SP100: variants seen among roughly 807,000 people sequenced by gnomAD.
SP100 encodes the protein SP100 nuclear body protein.
Under a neutral mutation model 130.0 loss-of-function variants are expected in SP100, and 84 were observed. The ratio of observed to expected loss-of-function variants is 0.65; its 90% CI spans 0.54 to 0.77. SP100 has a LOEUF of 0.77. Among genes scored for constraint, SP100 ranks in the 30% least tolerant of loss-of-function variants. SP100 has a pLI of 0.00. For synonymous variants in SP100, 331 were observed against 351.7 expected (o/e 0.94, Z 0.66); for missense variants, 978 against 1,052.2 (o/e 0.93, Z 0.97).
chr2:230,518,110 T>TTACCA (rs3029289), intron 24 of SP100, among the ~76,000 whole-genome samples: 67,420 of 151,364 alleles, frequency 0.45, 15,324 homozygotes, highest in South Asian at 0.56. Flanking sequence ...AACAAAAAAC[T>TTACCA]TACAAGACTT....
intron 13 of SP100, 109 bp downstream of exon 13, chr2:230,467,324 C>T (rs2065013065): frequency 2.6e-6 from 2 of 754,960 alleles, no homozygotes; most frequent in African/African-American, 1.7e-5. Flanking sequence ...TTCTCTGCAT[C>T]TACCTCATCT....
chr2:230,539,342 T>G lies in SP100; in HGVS notation c.2170T>G (p.Phe724Val). 2 of 1,613,944 alleles carry G rather than the reference T, an allele frequency of 1.2e-6. No individual in the cohort carries two copies. Among genetic ancestry groups the G allele is most frequent in the Non-Finnish European group, 1.7e-6 (2 of 1,179,844 alleles). The change falls in exon 25 of 29, where the codon TTT (phenylalanine) becomes GTT (valine). Residue 724 changes from phenylalanine to valine, a missense_variant. Phe to Val is a conservative substitution (Grantham distance 50). Coordinates refer to ENST00000340126, the MANE Select transcript of SP100 (RefSeq NM_001080391.2). The stretch of plus-strand genomic sequence containing the variant: ...CTGCTGCGACACTTGTCCAAGATCC[T>G]TTCATGAGCACTGCCACATCCCATC... ...LFCCDTCPRS[F>V]HEHCHIPSVE...
rs2067187501 is a variant in SP100 at position 230,504,075 on chromosome 2, A to T, written c.1766-111A>T. ...TGAAATGTAACTGATTCATGGGGGA[A>T]ATACCTCCAATACATTTTGAATTAT... On this transcript the variant is annotated intron_variant, in intron 20 of 28. Transcript: ENST00000340126. 5 of 600,704 alleles carry T rather than the reference A, an allele frequency of 8.3e-6. No homozygotes were observed. In the South Asian group the frequency reaches 9.4e-5, roughly 11 times the overall value. 37.2% of individuals were successfully genotyped at this position (600,704 alleles called of 1,614,324 possible).
intron 2 of SP100, among the ~76,000 whole-genome samples, chr2:230,440,821 A>G (rs1159356675): frequency 6.6e-6 from 1 of 152,176 alleles, no homozygotes; most frequent in African/African-American, 2.4e-5. Context: ...AAGGGTAGAC[A>G]AATAGATCAA....
At chr2:230,533,832 T>C (rs1559538434) in intron 24 of SP100, among the ~76,000 whole-genome samples, 1 of 152,162 alleles carries the variant, frequency 6.6e-6, no homozygotes, top group Admixed American at 6.6e-5. Context: ...TAATAGAAGA[T>C]TGTAAAAGGT....
intron 2 of SP100, among the ~76,000 whole-genome samples, chr2:230,437,824 G>T (rs1244740142): frequency 6.6e-6 from 1 of 152,074 alleles, no homozygotes; most frequent in East Asian, 1.9e-4. Flanking sequence ...CTAAAGCTCT[G>T]GGATTACAGG....
At chr2:230,539,938 A>G (rs1692102120) in intron 25 of SP100, among the ~76,000 whole-genome samples, 1 of 152,134 alleles carries the variant, frequency 6.6e-6, no homozygotes, top group African/African-American at 2.4e-5. Context: ...TGTGGACAGA[A>G]TTGTTAAGGC....
intron 15 of SP100, chr2:230,470,503 TA>T: frequency 1.2e-5 from 10 of 839,030 alleles, no homozygotes; most frequent in Non-Finnish European, 1.4e-5. Flanking sequence ...TAGACAGAAA[TA>T]AAAACTTCAG....
At chr2:230,473,085 GTTC>G in intron 15 of SP100, 1 of 373,004 alleles carries the variant, frequency 2.7e-6, no homozygotes, top group South Asian at 3.9e-5. Context: ...CTCCTCCAGT[GTTC>G]TTCATCACTG....
intron 2 of SP100, among the ~76,000 whole-genome samples, chr2:230,421,593 A>T (rs1057359100): frequency 1.3e-5 from 2 of 151,838 alleles, no homozygotes; most frequent in Non-Finnish European, 2.9e-5. Context: ...TCTGGAAAAA[A>T]AATTTTATCC....
chr2:230,440,519 C>A, intron 2 of SP100: 10 of 1,323,330 alleles, frequency 7.6e-6, no homozygotes, highest in Non-Finnish European at 9.7e-6. Context: ...TACATGACTT[C>A]TAAAAACTAT....
At chr2:230,504,369 G>T in intron 21 of SP100, 79 bp downstream of exon 21, 1 of 790,374 alleles carries the variant, frequency 1.3e-6, no homozygotes, top group Non-Finnish European at 2.1e-6. Flanking sequence ...GTAGACACTT[G>T]CCTTTGAGGT....
In SP100 at chr2:230,494,412, G is replaced by T. The variant is rs2066554094; in HGVS notation, c.1601-4G>T. The T allele has an allele frequency of 1.9e-6, 3 of 1,589,018 alleles. No homozygotes were observed. The highest frequency in any genetic ancestry group is 2.6e-6 in the Non-Finnish European group (3 of 1,157,788). On this transcript the variant is annotated splice_region_variant and splice_polypyrimidine_tract_variant and intron_variant, in intron 17 of 28. Coordinates refer to ENST00000340126, the MANE Select transcript of SP100 (RefSeq NM_001080391.2). The stretch of plus-strand genomic sequence containing the variant: ...GGATTATTTTCTTTCTTTTCTGTTT[G>T]CAGGAAAAAAGAGAAGGCATAGATC...
chr2:230,503,479 A>G (rs978307612), intron 20 of SP100, among the ~76,000 whole-genome samples: 2 of 152,222 alleles, frequency 1.3e-5, no homozygotes, highest in African/African-American at 4.8e-5. Context: ...GATGCCAGGA[A>G]CATTCAGATT....
intron 15 of SP100, among the ~76,000 whole-genome samples, chr2:230,472,529 A>G (rs2065326811): frequency 6.6e-6 from 1 of 151,934 alleles, no homozygotes; most frequent in African/African-American, 2.4e-5. Flanking sequence ...AGTTCACCTC[A>G]ATAATAAAAC....
chr2:230,462,480 C>G lies in SP100; in HGVS notation c.1019C>G (p.Pro340Arg). ...DSEGSTDVDE[P>R]LEVFISAPRS... ...GAAGGATCCACTGACGTTGATGAGC[C>G]CTTAGAAGTCTTCATCTCAGCACCG... Residue 340 changes from proline to arginine, a missense_variant, in exon 10 of 29, where the codon CCC becomes CGC. Pro to Arg is a moderately radical substitution (Grantham distance 103). Coordinates refer to ENST00000340126, the MANE Select transcript of SP100 (RefSeq NM_001080391.2). 1 of 1,613,640 alleles carries G rather than the reference C, an allele frequency of 6.2e-7. No individual in the cohort carries two copies. Among genetic ancestry groups the G allele is most frequent in the Non-Finnish European group, 8.5e-7 (1 of 1,179,826 alleles).
At chr2:230,476,714 A>C (rs1016884507) in intron 17 of SP100, among the ~76,000 whole-genome samples, 1 of 152,206 alleles carries the variant, frequency 6.6e-6, no homozygotes, top group Non-Finnish European at 1.5e-5. Context: ...TTTAAATTGA[A>C]ATATAAAAAG....
chr2:230,464,371 A>T (rs2064825343), intron 11 of SP100, among the ~76,000 whole-genome samples: 1 of 152,242 alleles, frequency 6.6e-6, no homozygotes, highest in Non-Finnish European at 1.5e-5. Context: ...GGTTCAATCG[A>T]TTGATACATT....
At chr2:230,448,988 T>A (rs1191921092) in intron 5 of SP100, 100 bp from the exon 6 acceptor site, 4 of 788,978 alleles carry the variant, frequency 5.1e-6, no homozygotes, top group Admixed American at 1.8e-5. Flanking sequence ...CTAGAAGGGG[T>A]CTTTAACTCC....
Sources: gnomAD v4.1 joint callset for allele counts (sites outside exome capture counted in the v4.1 genomes callset) on GRCh38, gnomAD v4.1.1 for gene constraint, MANE v1.5 for transcripts, NCBI Gene and HGNC (gene_info 2026-07-23, HGNC 2026-07-21) for gene names.